ZNF577: variants seen among roughly 807,000 people sequenced by gnomAD.
ZNF577 encodes the protein zinc finger protein 577.
In ZNF577, 14 loss-of-function variants were observed where a neutral mutation model predicts 13.9. The ratio of observed to expected loss-of-function variants is 1.00; its 90% CI spans 0.66 to 1.57. The LOEUF is 1.57. Ranked by LOEUF, ZNF577 falls within the 40% of genes most tolerant of loss-of-function variation. ZNF577 has a pLI of 0.00. For missense variants in ZNF577, 555 were observed against 579.2 expected (o/e 0.96, Z 0.43); for synonymous variants, 203 against 202.9 (o/e 1.00, Z 0.00).
At chr19:51,845,916 A>G (rs573566134) in intron 5 of ZNF577, among the ~76,000 whole-genome samples, 2 of 152,332 alleles carry the variant, frequency 1.3e-5, no homozygotes, top group African/African-American at 4.8e-5. Context: ...TGTGAATAAC[A>G]CTGCAATGAA....
Position 51,872,399 on chromosome 19 carries a change from G to T in ZNF577, c.*133C>A. On this transcript the variant is annotated 3_prime_UTR_variant, in exon 6 of 6. Transcript: ENST00000638348. ...AACATGATTTCAATGGTGTTTAACA[G>T]GTTTGACTTCTCACAGAAATGTCCT... 1 of 712,880 alleles carries T rather than the reference G, an allele frequency of 1.4e-6. No homozygotes were observed. The highest frequency in any genetic ancestry group is 2.2e-6 in the Non-Finnish European group (1 of 446,212). 44.2% of individuals were successfully genotyped at this position (712,880 alleles called of 1,614,324 possible).
intron 9 of ZNF577, among the ~76,000 whole-genome samples, chr19:51,813,774 T>A (rs1399537219): frequency 6.6e-6 from 1 of 152,174 alleles, no homozygotes; most frequent in Non-Finnish European, 1.5e-5. Flanking sequence ...GACCTCGTGA[T>A]CCACCCACCT....
intron 4 of ZNF577, 123 bp from the exon 5 acceptor site, chr19:51,877,500 G>T: frequency 2.7e-6 from 2 of 747,574 alleles, no homozygotes; most frequent in South Asian, 3.5e-5. Flanking sequence ...TTTCACTCAG[G>T]AAAAGAGCAC....
chr19:51,842,393 A>T (rs1170454789), intron 8 of ZNF577, among the ~76,000 whole-genome samples: 1 of 152,102 alleles, frequency 6.6e-6, no homozygotes, highest in Non-Finnish European at 1.5e-5. Context: ...ATGCCATGAT[A>T]AAAAGGCCTT....
intron 5 of ZNF577, among the ~76,000 whole-genome samples, chr19:51,875,552 A>G (rs1568448349): frequency 2.0e-5 from 3 of 152,200 alleles, no homozygotes; most frequent in South Asian, 2.1e-4. Flanking sequence ...TCAATAAAAT[A>G]TATGTCTTCC....
chr19:51,855,622 G>A (rs1048670487), intron 5 of ZNF577, among the ~76,000 whole-genome samples: 7 of 151,966 alleles, frequency 4.6e-5, no homozygotes, highest in Non-Finnish European at 7.4e-5. Context: ...TCAGATGTCC[G>A]TTTAACAATT....
intron 9 of ZNF577, among the ~76,000 whole-genome samples, chr19:51,812,797 A>G (rs1267138658): frequency 1.3e-5 from 2 of 152,202 alleles, no homozygotes; most frequent in African/African-American, 4.8e-5. Context: ...GTACTATAAC[A>G]AAATTTATTA....
intron 5 of ZNF577, among the ~76,000 whole-genome samples, chr19:51,875,638 T>C (rs1430679767): frequency 6.6e-6 from 1 of 152,240 alleles, no homozygotes; most frequent in Non-Finnish European, 1.5e-5. Flanking sequence ...ATACTTTTTC[T>C]ATGTGGCTGG....
chr19:51,876,598 G>C (rs2084767714), intron 5 of ZNF577, among the ~76,000 whole-genome samples: 1 of 152,010 alleles, frequency 6.6e-6, no homozygotes, highest in African/African-American at 2.4e-5. Flanking sequence ...TTCCAGAGGG[G>C]CCGGGATACA....
chr19:51,866,834 T>C (rs1267430227), downstream of ZNF577, among the ~76,000 whole-genome samples: 2 of 151,856 alleles, frequency 1.3e-5, no homozygotes, highest in Non-Finnish European at 2.9e-5. Flanking sequence ...ATACAAAAAT[T>C]AGCCAGGCGT....
intron 5 of ZNF577, among the ~76,000 whole-genome samples, chr19:51,855,367 C>CTCTG (rs1415147303): frequency 2.1e-5 from 3 of 143,460 alleles, no homozygotes; most frequent in Non-Finnish European, 4.5e-5. Flanking sequence ...GCTGAGGGTG[C>CTCTG]TGTGTGTGTG....
At chr19:51,838,093 A>C (rs950466670) in intron 9 of ZNF577, among the ~76,000 whole-genome samples, 3 of 152,234 alleles carry the variant, frequency 2.0e-5, no homozygotes, top group African/African-American at 7.2e-5. Flanking sequence ...CAGAGCTATG[A>C]GCTAAAACAT....
rs1882468410 is a variant in ZNF577 at position 51,886,978 on chromosome 19, A to G, written c.-376T>C. 6.6e-6 allele frequency: 1 copy of G among 152,218 alleles called. No individual in the cohort carries two copies. The highest frequency in any genetic ancestry group is 1.5e-5 in the Non-Finnish European group (1 of 68,042). The allele number at this position is 152,218 out of a possible 1,614,324, so 9.4% of individuals were successfully genotyped here. A position where few individuals can be genotyped will look rare whatever the true frequency, so the allele number is the denominator to read the frequency against. ...ATGAGTACAATGAAGTGACAGAATA[A>G]ACATATATATTTTTAACTTCTGTTC... is the stretch of plus-strand genomic sequence containing the variant. On this transcript the variant is annotated 5_prime_UTR_variant, in exon 1 of 6. Coordinates refer to ENST00000638348, the MANE Select transcript of ZNF577 (RefSeq NM_001370449.1).
At chr19:51,808,452 T>C (rs1432268185) in intron 10 of ZNF577, among the ~76,000 whole-genome samples, 1 of 152,202 alleles carries the variant, frequency 6.6e-6, no homozygotes, top group South Asian at 2.1e-4. Flanking sequence ...AAGAATATCA[T>C]CCATATAATG....
chr19:51,848,644 C>A (rs985184955), intron 5 of ZNF577, among the ~76,000 whole-genome samples: 1 of 152,132 alleles, frequency 6.6e-6, no homozygotes, highest in Non-Finnish European at 1.5e-5. Context: ...CACGGGCAAC[C>A]ACAATCCAGG....
rs754760099 is a variant in ZNF577, at chr19:51,873,446, C to G, written c.544G>C (p.Gly182Arg). The part of the protein sequence containing the change: ...QLIQHQRTER[G>R]EKPHGCGECG... ...TCACCACATCCATGGGGTTTCTCTC[C>G]TCTTTCAGTTCTCTGATGTTGAATA... Residue 182 changes from glycine (G) to arginine (R), a missense_variant, in exon 6 of 6, where the codon GGA becomes CGA. Gly to Arg is a moderately radical substitution (Grantham distance 125, BLOSUM62 -2). Transcript: ENST00000638348. The G allele has an allele frequency of 2.5e-6, 4 of 1,614,078 alleles. No homozygotes were observed. The highest frequency in any genetic ancestry group is 3.4e-6 in the Non-Finnish European group (4 of 1,180,044).
intron 9 of ZNF577, among the ~76,000 whole-genome samples, chr19:51,833,544 G>A (rs917926644): frequency 1.3e-5 from 2 of 152,190 alleles, no homozygotes; most frequent in Admixed American, 6.6e-5. Flanking sequence ...TGAGCCTGTA[G>A]GTGATTCTTG....
intron 10 of ZNF577, chr19:51,811,401 C>T (rs918829074): frequency 2.0e-5 from 3 of 152,134 alleles, no homozygotes; most frequent in Admixed American, 2.0e-4. Flanking sequence ...CCCATGTTAC[C>T]GTGATTCAGA....
Position 51,824,392 on chromosome 19 carries a change from C to G in ZNF577, c.*600-12718G>C. The G allele has an allele frequency of 6.2e-7, 1 of 1,614,138 alleles. No homozygotes were observed. Among genetic ancestry groups the G allele is most frequent in the Non-Finnish European group, 8.5e-7 (1 of 1,180,014 alleles). ...ATTATTGGCTTCAGCGTGCCTATGT[C>G]CATCATCACAGTCTGCTATGGGATC... On this transcript the variant is annotated intron_variant and NMD_transcript_variant, in intron 9 of 10. Coordinates refer to the ZNF577 transcript ENST00000638827. This position sits in a 1 kb window ranked among gnomAD's most constrained non-coding sequence, Gnocchi z 4.7.
Sources: allele counts gnomAD v4.1 joint callset (sites outside exome capture counted in the v4.1 genomes callset), GRCh38; gene constraint gnomAD v4.1.1; non-coding constraint Gnocchi (gnomAD v3.1); transcripts MANE v1.5; gene names NCBI Gene and HGNC (gene_info 2026-07-23, HGNC 2026-07-21).